Variants in BNC2 observed in about 807,000 individuals in gnomAD.
The protein encoded by BNC2 is zinc finger protein basonuclin-2.
BNC2 carries 20 observed loss-of-function variants against 76.3 expected under a neutral mutation model. That is an observed-to-expected ratio of 0.26 (90% CI 0.18 to 0.38). The LOEUF (loss-of-function observed/expected upper bound fraction) is 0.38. Ranked by LOEUF, BNC2 falls within the 10% of genes least tolerant of loss-of-function variation. The pLI is 1.00. For synonymous variants in BNC2, 582 were observed against 514.8 expected (o/e 1.13, Z -1.77); for missense variants, 1,382 against 1,399.8 (o/e 0.99, Z 0.20).
At chr9:16,842,090 G>A (rs888899522) in intron 1 of BNC2, among the ~76,000 whole-genome samples, 3 of 152,136 alleles carry the variant, frequency 2.0e-5, no homozygotes, top group Non-Finnish European at 1.5e-5. Flanking sequence ...TATTACAGGC[G>A]TGAGCCACAC....
chr9:16,750,041 A>G (rs1194171580), intron 1 of BNC2, among the ~76,000 whole-genome samples: 1 of 152,216 alleles, frequency 6.6e-6, no homozygotes, highest in East Asian at 1.9e-4. Context: ...AGTAGACACT[A>G]ATAGGAAATG....
At chr9:16,619,876 T>C (rs1438472342) in intron 3 of BNC2, among the ~76,000 whole-genome samples, 1 of 152,158 alleles carries the variant, frequency 6.6e-6, no homozygotes, top group African/African-American at 2.4e-5. Context: ...GTTCTTCTCT[T>C]TTAAGTTTCC....
At chr9:16,501,906 AGAATAAGTGACTAAGCCTGGG>A (rs1822526568) in intron 5 of BNC2, among the ~76,000 whole-genome samples, 2 of 152,216 alleles carry the variant, frequency 1.3e-5, no homozygotes, top group South Asian at 2.1e-4. Flanking sequence ...TAAAGAACAG[AGAATAAGTGACTAAGCCTGGG>A]GAATACCAAG....
chr9:16,647,479 G>T (rs1821664869), intron 3 of BNC2, among the ~76,000 whole-genome samples: 1 of 152,140 alleles, frequency 6.6e-6, no homozygotes, highest in South Asian at 2.1e-4. Context: ...GTAGCCAAAT[G>T]GAAGATAATG....
At chr9:16,744,771 T>G (rs953289037) in intron 1 of BNC2, among the ~76,000 whole-genome samples, 1 of 152,172 alleles carries the variant, frequency 6.6e-6, no homozygotes, top group Non-Finnish European at 1.5e-5. Context: ...CCTGTGAAAT[T>G]TTTACACTGG....
At position 16,409,918 on chromosome 9, in the gene BNC2, A is replaced by T. The variant is rs1248409748; in HGVS notation, c.*9071T>A. Reference sequence around the variant, plus strand: ...GACTGGTTTTATGCAGATGAGAACAATATAAACAAAAAAAAGGAATAAACA... The same window carrying T: ...GACTGGTTTTATGCAGATGAGAACATTATAAACAAAAAAAAGGAATAAACA... On this transcript the variant is annotated 3_prime_UTR_variant, in exon 7 of 7. Transcript: ENST00000380672. 4 of 151,736 alleles carry T rather than the reference A, an allele frequency of 2.6e-5. No individual in the cohort carries two copies. The highest frequency in any genetic ancestry group is 2.6e-4 in the Admixed American group (4 of 15,208). The allele number at this position is 151,736 out of a possible 1,614,324, so 9.4% of individuals were successfully genotyped here.
At chr9:16,813,035 C>A (rs962723021) in intron 1 of BNC2, among the ~76,000 whole-genome samples, 1 of 152,052 alleles carries the variant, frequency 6.6e-6, no homozygotes, top group African/African-American at 2.4e-5. Flanking sequence ...ATGGTGAAAC[C>A]CTGTCTCTAC....
intron 1 of BNC2, among the ~76,000 whole-genome samples, chr9:16,756,432 T>C (rs1375004222): frequency 1.3e-5 from 2 of 152,186 alleles, no homozygotes; most frequent in African/African-American, 4.8e-5. Flanking sequence ...CAGACTCTCA[T>C]ATTTTGACAG....
At chr9:16,693,755 A>T (rs571266149) in intron 3 of BNC2, among the ~76,000 whole-genome samples, 14 of 152,364 alleles carry the variant, frequency 9.2e-5, no homozygotes, top group African/African-American at 3.4e-4. Context: ...CCAGGAAAGG[A>T]AAAGCTTACG....
Position 16,585,582 on chromosome 9 carries a change from T to C in BNC2, c.331-2497A>G, listed in dbSNP as rs1215099167. Among the ~76,000 whole-genome samples the C allele has an allele frequency of 2.6e-5, 4 of 152,306 alleles. No homozygotes were observed. The East Asian group carries it at 5.8e-4, about 22-fold the overall frequency. Reference sequence around the variant, plus strand: ...AATAAATATTTTGAGTAAGAGACTATTGCCGCTTCAAAGGAAGTTTTATTC... The same window carrying C: ...AATAAATATTTTGAGTAAGAGACTACTGCCGCTTCAAAGGAAGTTTTATTC... On this transcript the variant is annotated intron_variant, in intron 3 of 6. Transcript: ENST00000380672.
intron 5 of BNC2, among the ~76,000 whole-genome samples, chr9:16,468,259 T>C (rs1347484927): frequency 2.0e-5 from 3 of 152,040 alleles, no homozygotes; most frequent in Admixed American, 6.5e-5. Flanking sequence ...TTTTGCAAAG[T>C]CTTCCTTGAC....
At chr9:16,748,279 C>T (rs546662152) in intron 1 of BNC2, among the ~76,000 whole-genome samples, 20 of 152,188 alleles carry the variant, frequency 1.3e-4, no homozygotes, top group African/African-American at 4.8e-4. Flanking sequence ...TTTGGGAGGC[C>T]GAGGCAGGAA....
At chr9:16,671,960 C>G (rs1276682909) in intron 3 of BNC2, among the ~76,000 whole-genome samples, 2 of 152,158 alleles carry the variant, frequency 1.3e-5, no homozygotes, top group African/African-American at 4.8e-5. Context: ...TTGTCTTATG[C>G]CACAGTTTCT....
chr9:16,617,238 C>A (rs947806453), intron 3 of BNC2, among the ~76,000 whole-genome samples: 2 of 152,070 alleles, frequency 1.3e-5, no homozygotes, highest in African/African-American at 2.4e-5. Flanking sequence ...AACAAAAAAA[C>A]CTACTTTTGA....
chr9:16,732,872 AT>A lies in BNC2; in HGVS notation c.130-4876del, dbSNP rs555089881. Among the ~76,000 whole-genome samples the A allele has an allele frequency of 4.3e-3, 653 of 152,332 alleles. 1 individual carries two copies. Among genetic ancestry groups the A allele is most frequent in the African/African-American group, 0.015 (613 of 41,580 alleles). ...CAACTCAAGCTTTTGTAATTCATTT[AT>A]TTTATAGAAAAAAATGTTAAAAACT... On this transcript the variant is annotated intron_variant, in intron 2 of 6. Coordinates refer to ENST00000380672, the MANE Select transcript of BNC2 (RefSeq NM_017637.6).
intron 5 of BNC2, among the ~76,000 whole-genome samples, chr9:16,470,942 C>G (rs186658674): frequency 3.3e-5 from 5 of 152,272 alleles, no homozygotes; most frequent in Non-Finnish European, 5.9e-5. Context: ...CCTTTAGACC[C>G]GAGAATGGTA....
chr9:16,840,663 G>A (rs955930455), intron 1 of BNC2, among the ~76,000 whole-genome samples: 3 of 152,262 alleles, frequency 2.0e-5, no homozygotes, highest in South Asian at 4.1e-4. Context: ...GAATTACCAG[G>A]TCAAGGGACT....
intron 5 of BNC2, among the ~76,000 whole-genome samples, chr9:16,449,445 G>A (rs1003077655): frequency 6.6e-6 from 1 of 152,198 alleles, no homozygotes; most frequent in East Asian, 1.9e-4. Flanking sequence ...GTAAACTACT[G>A]TTTGTGAGGT....
intron 1 of BNC2, among the ~76,000 whole-genome samples, chr9:16,740,111 T>G (rs1824798727): frequency 6.6e-6 from 1 of 152,206 alleles, no homozygotes; most frequent in African/African-American, 2.4e-5. Flanking sequence ...GCATCGTGAT[T>G]GTCCAACGTT....
Sources: gnomAD v4.1 joint callset for allele counts (sites outside exome capture counted in the v4.1 genomes callset) on GRCh38, gnomAD v4.1.1 for gene constraint, MANE v1.5 for transcripts, NCBI Gene and HGNC (gene_info 2026-07-23, HGNC 2026-07-21) for gene names.